Variants in TAF3 observed in about 807,000 individuals in gnomAD.
TAF3 encodes transcription initiation factor TFIID subunit 3.
In TAF3, 7 loss-of-function variants were observed where a neutral mutation model predicts 80.6. That is an observed-to-expected ratio of 0.09 (90% CI 0.05 to 0.16). The LOEUF is 0.16. Ranked by LOEUF, TAF3 falls within the 10% of genes least tolerant of loss-of-function variation. The pLI is 1.00. For synonymous variants in TAF3, 444 were observed against 446.1 expected (o/e 1.00, Z 0.06); for missense variants, 921 against 1,140.2 (o/e 0.81, Z 2.77).
intron 2 of TAF3, among the ~76,000 whole-genome samples, chr10:7,840,446 C>T (rs2131114249): frequency 6.6e-6 from 1 of 151,658 alleles, no homozygotes; most frequent in East Asian, 1.9e-4. Context: ...GCCACCGCGC[C>T]CGGCCTGGAA....
chr10:7,864,087 T>A (rs1588529900), intron 2 of TAF3, among the ~76,000 whole-genome samples: 1 of 152,118 alleles, frequency 6.6e-6, no homozygotes, highest in East Asian at 1.9e-4. Context: ...GACACATTAT[T>A]ATTACCAGAG....
chr10:7,888,112 G>T (rs924404738), intron 2 of TAF3, among the ~76,000 whole-genome samples: 2 of 151,934 alleles, frequency 1.3e-5, no homozygotes, highest in African/African-American at 2.4e-5. Flanking sequence ...CATTCTTGTC[G>T]CCTGCAAGCA....
At chr10:7,968,204 G>T (rs1831590926) in intron 3 of TAF3, among the ~76,000 whole-genome samples, 1 of 152,188 alleles carries the variant, frequency 6.6e-6, no homozygotes, top group African/African-American at 2.4e-5. Flanking sequence ...AAACTAAAGT[G>T]AGACAAGCTG....
intron 2 of TAF3, among the ~76,000 whole-genome samples, chr10:7,962,602 G>A (rs1254974678): frequency 3.9e-5 from 6 of 152,074 alleles, no homozygotes; most frequent in Non-Finnish European, 7.4e-5. Context: ...TACACTCCCC[G>A]TGTTTCACCT....
At chr10:7,844,733 C>G (rs1420576456) in intron 2 of TAF3, among the ~76,000 whole-genome samples, 1 of 152,246 alleles carries the variant, frequency 6.6e-6, no homozygotes, top group East Asian at 1.9e-4. Context: ...TAATATTTAG[C>G]TAGCTGGATC....
At chr10:7,988,679 A>T (rs1472733973) in intron 4 of TAF3, among the ~76,000 whole-genome samples, 2 of 138,154 alleles carry the variant, frequency 1.4e-5, no homozygotes, top group East Asian at 4.6e-4. Context: ...TGAGCCCAGG[A>T]GTTTGAGGCT....
chr10:7,916,812 C>T (rs1206938165), intron 2 of TAF3, among the ~76,000 whole-genome samples: 4 of 152,140 alleles, frequency 2.6e-5, no homozygotes, highest in Non-Finnish European at 5.9e-5. Context: ...CTTCTTTCAA[C>T]AATGGTGCTT....
intron 2 of TAF3, among the ~76,000 whole-genome samples, chr10:7,840,639 C>T (rs952681552): frequency 8.6e-5 from 13 of 151,542 alleles, no homozygotes; most frequent in Admixed American, 5.3e-4. Context: ...GAGGGGAAGA[C>T]GGGAATATCA....
At chr10:7,987,413 T>C (rs1330552473) in intron 4 of TAF3, among the ~76,000 whole-genome samples, 3 of 152,254 alleles carry the variant, frequency 2.0e-5, no homozygotes, top group Non-Finnish European at 4.4e-5. Flanking sequence ...TTTCCATGTC[T>C]GTATGACATG....
At chr10:7,991,512 G>A (rs900770348) in intron 4 of TAF3, among the ~76,000 whole-genome samples, 12 of 151,684 alleles carry the variant, frequency 7.9e-5, no homozygotes, top group African/African-American at 2.4e-4. Flanking sequence ...AAGATCATTT[G>A]TTTATTAACA....
intron 2 of TAF3, among the ~76,000 whole-genome samples, chr10:7,857,989 A>G (rs555808946): frequency 3.2e-4 from 47 of 148,654 alleles, no homozygotes; most frequent in Admixed American, 8.8e-4. Context: ...AGGTAGGAGT[A>G]GGGGAGAGTG....
intron 2 of TAF3, among the ~76,000 whole-genome samples, chr10:7,864,783 A>T (rs7076829): frequency 0.34 from 51,037 of 151,788 alleles, 9,553 homozygotes; most frequent in Non-Finnish European, 0.43. Context: ...ATTATCTTTC[A>T]AGAAGTAAAT....
intron 2 of TAF3, among the ~76,000 whole-genome samples, chr10:7,835,649 T>G (rs1836844514): frequency 6.6e-6 from 1 of 152,172 alleles, no homozygotes; most frequent in South Asian, 2.1e-4. Flanking sequence ...GTACTCCCTG[T>G]ACTGGAAGTG....
intron 2 of TAF3, among the ~76,000 whole-genome samples, chr10:7,902,605 C>A (rs1399089959): frequency 6.6e-6 from 1 of 152,052 alleles, no homozygotes; most frequent in African/African-American, 2.4e-5. Flanking sequence ...TAATGTCAGG[C>A]TCTCTGGGTG....
chr10:7,884,889 A>T (rs1259086086), intron 2 of TAF3, among the ~76,000 whole-genome samples: 1 of 152,194 alleles, frequency 6.6e-6, no homozygotes, highest in East Asian at 1.9e-4. Flanking sequence ...TCCAGTTCTG[A>T]TTTAATATCA....
chr10:7,968,329 C>A (rs908637156), intron 3 of TAF3, among the ~76,000 whole-genome samples: 1 of 152,164 alleles, frequency 6.6e-6, no homozygotes, highest in African/African-American at 2.4e-5. Context: ...CAAGCAAGAG[C>A]ATTTGTTTAA....
chr10:7,897,010 G>A (rs139829754), intron 2 of TAF3, among the ~76,000 whole-genome samples: 1 of 152,146 alleles, frequency 6.6e-6, no homozygotes, highest in African/African-American at 2.4e-5. Flanking sequence ...AGAGGCTGCC[G>A]ACATTCTTGA....
intron 4 of TAF3, among the ~76,000 whole-genome samples, chr10:7,989,160 A>G (rs981674248): frequency 2.6e-5 from 4 of 152,228 alleles, no homozygotes; most frequent in African/African-American, 9.6e-5. Context: ...TCAGTGGGCC[A>G]GCTGAGATCA....
chr10:8,011,665 T>C (rs1481602551), intron 5 of TAF3, among the ~76,000 whole-genome samples: 1 of 152,200 alleles, frequency 6.6e-6, no homozygotes, highest in African/African-American at 2.4e-5. Context: ...TCATTGTAGG[T>C]GTTTAATTAG....
Sources: gnomAD v4.1 joint callset for allele counts (sites outside exome capture counted in the v4.1 genomes callset) on GRCh38, gnomAD v4.1.1 for gene constraint, MANE v1.5 for transcripts, NCBI Gene and HGNC (gene_info 2026-07-23, HGNC 2026-07-21) for gene names.